Variants in CASR observed in about 807,000 individuals in gnomAD.
CASR encodes the protein calcium sensing receptor.
In CASR, 23 loss-of-function variants were observed where a neutral mutation model predicts 69.1. That is an observed-to-expected ratio of 0.33 (90% CI 0.24 to 0.47). The LOEUF is 0.47. Among genes scored for constraint, CASR ranks in the 20% least tolerant of loss-of-function variants. The probability of loss-of-function intolerance (pLI) is 1.00; values close to 1 mark genes in which losing one functional copy is unlikely to be tolerated. For synonymous variants in CASR, 541 were observed against 544.7 expected (o/e 0.99, Z 0.10); for missense variants, 924 against 1,356.1 (o/e 0.68, Z 5.00).
chr3:122,202,964 G>C (rs1212289493), intron 1 of CASR, among the ~76,000 whole-genome samples: 1 of 152,138 alleles, frequency 6.6e-6, no homozygotes, highest in Admixed American at 6.5e-5. Context: ...AAGGTCCCGG[G>C]TATGCATGAG....
chr3:122,199,382 C>T (rs927296950), intron 1 of CASR, among the ~76,000 whole-genome samples: 1 of 152,196 alleles, frequency 6.6e-6, no homozygotes, highest in African/African-American at 2.4e-5. Context: ...CTTCCTTAAA[C>T]CTTCTCCTAA....
In CASR at chr3:122,285,158, C is replaced by T. The variant is rs373902031; in HGVS notation, c.3204C>T (p.Gly1068=). The T allele has an allele frequency of 1.9e-6, 3 of 1,614,110 alleles. No individual in the cohort carries two copies. The highest frequency in any genetic ancestry group is 2.5e-6 in the Non-Finnish European group (3 of 1,180,024). ...AGAGCTTTGTCATCAGTGGTGGAGG[C>T]AGCACTGTTACAGAAAACGTAGTGA... ...SSQSFVISGG[G]STVTENVVNS Residue 1068 remains glycine, a synonymous_variant, in exon 7 of 7, where the codon GGC becomes GGT. Coordinates refer to ENST00000639785, the MANE Select transcript of CASR (RefSeq NM_000388.4).
At chr3:122,241,768 C>CA (rs1205674294) in intron 1 of CASR, among the ~76,000 whole-genome samples, 1 of 152,014 alleles carries the variant, frequency 6.6e-6, no homozygotes, top group African/African-American at 2.4e-5. Context: ...AATATTGATG[C>CA]AAAAATCCTT....
At chr3:122,262,815 G>A (rs899518329) in intron 4 of CASR, among the ~76,000 whole-genome samples, 1 of 152,174 alleles carries the variant, frequency 6.6e-6, no homozygotes, top group Non-Finnish European at 1.5e-5. Context: ...CATAAAGCTA[G>A]TATTATTGTG....
chr3:122,191,669 CA>C (rs34891177), intron 1 of CASR, among the ~76,000 whole-genome samples: 1 of 151,914 alleles, frequency 6.6e-6, no homozygotes, highest in African/African-American at 2.4e-5. Context: ...AAAATAAACT[CA>C]AAAAAATTTG....
At position 122,287,564 on chromosome 3, in the gene CASR, A is replaced by C. The variant is rs528188417; in HGVS notation, c.*2373A>C. 6.6e-6 allele frequency: 1 copy of C among 152,306 alleles called. No homozygotes were observed. Among genetic ancestry groups the C allele is most frequent in the Non-Finnish European group, 1.5e-5 (1 of 68,032 alleles). 9.4% of individuals were successfully genotyped at this position (152,306 alleles called of 1,614,324 possible). On this transcript the variant is annotated 3_prime_UTR_variant, in exon 7 of 7. Coordinates refer to ENST00000639785, the MANE Select transcript of CASR (RefSeq NM_000388.4). ...TTTAGATGTTTGGGGATCAATTCAG[A>C]GGTTGTTCCTTCTCCCTTCCAGGAG... is the stretch of plus-strand genomic sequence containing the variant.
At chr3:122,270,011 T>G (rs1375784426) in intron 4 of CASR, among the ~76,000 whole-genome samples, 1 of 151,960 alleles carries the variant, frequency 6.6e-6, no homozygotes, top group East Asian at 1.9e-4. Context: ...CCAGCTAATT[T>G]TTGTATGTTT....
intron 6 of CASR, among the ~76,000 whole-genome samples, chr3:122,282,756 C>A (rs2074907779): frequency 6.6e-6 from 1 of 152,182 alleles, no homozygotes; most frequent in Admixed American, 6.5e-5. Context: ...AAAACTTTGG[C>A]ATATTAGAAG....
chr3:122,254,962 A>AC (rs979005421), intron 2 of CASR, among the ~76,000 whole-genome samples: 1 of 66,788 alleles, frequency 1.5e-5, no homozygotes, highest in African/African-American at 5.7e-5. Flanking sequence ...CACCCTCCCC[A>AC]CCCCCCATCC....
chr3:122,211,929 T>C (rs1036755241), intron 1 of CASR, among the ~76,000 whole-genome samples: 1 of 152,154 alleles, frequency 6.6e-6, no homozygotes, highest in South Asian at 2.1e-4. Context: ...GATGAGGCTG[T>C]GGAGAAATAG....
chr3:122,216,022 T>A (rs898682377), intron 1 of CASR, among the ~76,000 whole-genome samples: 1 of 152,222 alleles, frequency 6.6e-6, no homozygotes, highest in Non-Finnish European at 1.5e-5. Context: ...GTTCATAATG[T>A]CCACTTTTCA....
Position 122,285,369 on chromosome 3 carries a change from A to C in CASR, c.*178A>C. ...TGAATTGACCCATGTTCCCTTTAAAATTAAAAAAAAGAAGAGCCTTGTGTT... is the reference window on the plus strand; with the variant it reads ...TGAATTGACCCATGTTCCCTTTAAACTTAAAAAAAAGAAGAGCCTTGTGTT... On this transcript the variant is annotated 3_prime_UTR_variant, in exon 7 of 7. Transcript: ENST00000639785. The C allele has an allele frequency of 1.7e-6, 1 of 578,148 alleles. No individual in the cohort carries two copies. The allele number at this position is 578,148 out of a possible 1,614,324, so 35.8% of individuals were successfully genotyped here.
rs541026038 is a variant in CASR at position 122,203,268 on chromosome 3, T to C, written c.-243+19456T>C. Among the ~76,000 whole-genome samples, 31 of 152,346 alleles carry C rather than the reference T, an allele frequency of 2.0e-4. No homozygotes were observed. The South Asian group carries it at 6.4e-3, about 32-fold the overall frequency. Reference sequence around the variant, plus strand: ...TCCAACAATATTGAGCCTTCCTATCTGTATGAACACAGGAGAGACAGTCAT... The same window carrying C: ...TCCAACAATATTGAGCCTTCCTATCCGTATGAACACAGGAGAGACAGTCAT... On this transcript the variant is annotated intron_variant, in intron 1 of 6. Coordinates refer to ENST00000639785, the MANE Select transcript of CASR (RefSeq NM_000388.4).
intron 1 of CASR, among the ~76,000 whole-genome samples, chr3:122,249,408 G>A (rs1424926760): frequency 3.9e-5 from 6 of 152,204 alleles, no homozygotes; most frequent in Non-Finnish European, 7.3e-5. Flanking sequence ...TTTCCCTAGT[G>A]TCTTGCACTC....
chr3:122,226,531 G>T (rs545261695), intron 1 of CASR, among the ~76,000 whole-genome samples: 164 of 152,172 alleles, frequency 1.1e-3, no homozygotes, highest in Non-Finnish European at 1.7e-3. Flanking sequence ...CGGGCAGCCT[G>T]CTTTTATTCT....
rs912486702 is a variant in CASR at position 122,290,521 on chromosome 3, G to T, written c.*5330G>T. The stretch of plus-strand genomic sequence containing the variant: ...CACTCATTATAAATGAAGATTGCTT[G>T]GTAATGGACTAATGGATAATTGTTT... On this transcript the variant is annotated 3_prime_UTR_variant, in exon 7 of 7. Transcript: ENST00000639785. The T allele has an allele frequency of 1.3e-5, 2 of 152,064 alleles. No individual in the cohort carries two copies. Among genetic ancestry groups the T allele is most frequent in the African/African-American group, 2.4e-5 (1 of 41,394 alleles). The allele number at this position is 152,064 out of a possible 1,614,324, so 9.4% of individuals were successfully genotyped here. A position where few individuals can be genotyped will look rare whatever the true frequency, so the allele number is the denominator to read the frequency against.
At chr3:122,251,948 A>G (rs138054637) in intron 1 of CASR, among the ~76,000 whole-genome samples, 1 of 152,342 alleles carries the variant, frequency 6.6e-6, no homozygotes, top group African/African-American at 2.4e-5. Flanking sequence ...CAAAAGAGCA[A>G]AACTGGAGAT....
chr3:122,250,817 G>T (rs2074475202), intron 1 of CASR, among the ~76,000 whole-genome samples: 1 of 152,004 alleles, frequency 6.6e-6, no homozygotes, highest in Non-Finnish European at 1.5e-5. Context: ...GGACAAAGTT[G>T]AATTTAGAGA....
intron 1 of CASR, 100 bp from the exon 2 acceptor site, chr3:122,253,848 G>GC: frequency 3.0e-6 from 1 of 333,866 alleles, no homozygotes; most frequent in Non-Finnish European, 5.7e-6. Context: ...CCACCCCTAG[G>GC]CCCCTCTAAA....
Sources: gnomAD v4.1 joint callset for allele counts (sites outside exome capture counted in the v4.1 genomes callset) on GRCh38, gnomAD v4.1.1 for gene constraint, MANE v1.5 for transcripts, NCBI Gene and HGNC (gene_info 2026-07-23, HGNC 2026-07-21) for gene names.